DGAT1: variants seen among roughly 807,000 people sequenced by gnomAD.
The protein encoded by DGAT1 is ACAT related gene product 1.
DGAT1 carries 60 observed loss-of-function variants against 72.6 expected under a neutral mutation model. The observed-to-expected ratio is 0.83, with a 90% CI of 0.67 to 1.02. The LOEUF is 1.02. Ranked by LOEUF, DGAT1 falls within the 50% of genes least tolerant of loss-of-function variation. The probability of loss-of-function intolerance (pLI) is 0.00; values close to 1 mark genes in which losing one functional copy is unlikely to be tolerated. For missense variants in DGAT1, 592 were observed against 670.0 expected, an observed-to-expected ratio of 0.88 and a Z score of 1.29; for synonymous variants, 290 against 267.5, an observed-to-expected ratio of 1.08 and a Z score of -0.82.
chr8:144,326,617 G>T lies in DGAT1; in HGVS notation c.20C>A (p.Ser7Tyr). The change falls in exon 1 of 17, where the codon TCC becomes TAC. Residue 7 changes from serine to tyrosine, a missense_variant. Transcript: ENST00000528718. ...CCGCGACCCTGTCCTCCGGCGCCGGGAGCTGCCGCGGTCGCCCATGGCCTC... is the reference window on the plus strand; with the variant it reads ...CCGCGACCCTGTCCTCCGGCGCCGGTAGCTGCCGCGGTCGCCCATGGCCTC... The part of the protein sequence containing the change: MGDRGS[S>Y]RRRRTGSRPS... The T allele has an allele frequency of 8.3e-7, 1 of 1,203,852 alleles. No homozygotes were observed. Among genetic ancestry groups the T allele is most frequent in the South Asian group, 3.6e-5 (1 of 27,804 alleles). The allele number at this position is 1,203,852 out of a possible 1,614,324, so 74.6% of individuals were successfully genotyped here. A position where few individuals can be genotyped will look rare whatever the true frequency, so the allele number is the denominator to read the frequency against.
intron 2 of DGAT1, among the ~76,000 whole-genome samples, chr8:144,319,651 T>C (rs1817387597): frequency 6.6e-6 from 1 of 152,126 alleles, no homozygotes; most frequent in Admixed American, 6.5e-5. Flanking sequence ...GCCTGCCTCT[T>C]CTGCTTCCTG....
At position 144,315,282 on chromosome 8, in the gene DGAT1, C is replaced by G; in HGVS notation, c.*1272G>C. ...CCCACCAGGAGCTCACCCACTACTG[C>G]CATCCTCAGCAGGGCCCAAGGAGAT... is the stretch of plus-strand genomic sequence containing the variant. On this transcript the variant is annotated 3_prime_UTR_variant, in exon 17 of 17. Coordinates refer to ENST00000528718, the MANE Select transcript of DGAT1 (RefSeq NM_012079.6). 1 of 985,530 alleles carries G rather than the reference C, an allele frequency of 1.0e-6. No individual in the cohort carries two copies. The highest frequency in any genetic ancestry group is 1.7e-5 in the African/African-American group (1 of 57,366). 61.0% of individuals were successfully genotyped at this position (985,530 alleles called of 1,614,324 possible).
intron 1 of DGAT1, among the ~76,000 whole-genome samples, chr8:144,323,284 A>G (rs1817508207): frequency 6.6e-6 from 1 of 152,144 alleles, no homozygotes; most frequent in Non-Finnish European, 1.5e-5. Flanking sequence ...AGCTCACTGC[A>G]GACAATCCTA....
At chr8:144,323,201 G>GACGCCAGC (rs782165827) in intron 1 of DGAT1, among the ~76,000 whole-genome samples, 10 of 152,174 alleles carry the variant, frequency 6.6e-5, no homozygotes, top group Non-Finnish European at 2.9e-5. Flanking sequence ...AGCCACCAAG[G>GACGCCAGC]ACACCATGCT....
rs1489157646 is a variant in DGAT1, at chr8:144,316,475, C to T, written c.*79G>A. On this transcript the variant is annotated 3_prime_UTR_variant, in exon 17 of 17. Coordinates refer to ENST00000528718, the MANE Select transcript of DGAT1 (RefSeq NM_012079.6). ...GCTGTGCAGCCAGGCCCATCCCCAG[C>T]ACTCGAGGCCTAGGAGGAGAGGTGG... is the stretch of plus-strand genomic sequence containing the variant. 1 of 1,477,670 alleles carries T rather than the reference C, an allele frequency of 6.8e-7. No homozygotes were observed. Among genetic ancestry groups the T allele is most frequent in the African/African-American group, 1.4e-5 (1 of 71,734 alleles). 91.5% of individuals were successfully genotyped at this position (1,477,670 alleles called of 1,614,324 possible).
chr8:144,316,114 G>T lies in DGAT1; in HGVS notation c.*440C>A. 1 of 216,956 alleles carries T rather than the reference G, an allele frequency of 4.6e-6. No individual in the cohort carries two copies. Among genetic ancestry groups the T allele is most frequent in the Non-Finnish European group, 8.5e-6 (1 of 118,014 alleles). 13.4% of individuals were successfully genotyped at this position (216,956 alleles called of 1,614,324 possible). ...GCTTTTCTAGGTAGGGGAGTGTGGG[G>T]AATGGGGGCGTCTGCCTGGCCTTGC... On this transcript the variant is annotated 3_prime_UTR_variant, in exon 17 of 17. Coordinates refer to ENST00000528718, the MANE Select transcript of DGAT1 (RefSeq NM_012079.6).
At chr8:144,321,013 C>T (rs1049217262) in intron 2 of DGAT1, among the ~76,000 whole-genome samples, 10 of 152,098 alleles carry the variant, frequency 6.6e-5, no homozygotes, top group Admixed American at 2.0e-4. Context: ...CAGGCTCCAG[C>T]CAGGCACTGT....
chr8:144,326,654 G>T lies in DGAT1; in HGVS notation c.-18C>A. On this transcript the variant is annotated 5_prime_UTR_variant, in exon 1 of 17. Coordinates refer to ENST00000528718, the MANE Select transcript of DGAT1 (RefSeq NM_012079.6). ...TCGCCCATGGCCTCAGCCCGCACCC[G>T]GCCGCAGCCAAGCGTGGGCCCGCCG... The T allele has an allele frequency of 1.5e-5, 18 of 1,183,328 alleles. No individual in the cohort carries two copies. Among genetic ancestry groups the T allele is most frequent in the Non-Finnish European group, 1.8e-5 (17 of 956,122 alleles). 73.3% of individuals were successfully genotyped at this position (1,183,328 alleles called of 1,614,324 possible).
chr8:144,324,730 G>A (rs962666534), intron 1 of DGAT1, among the ~76,000 whole-genome samples: 1 of 152,068 alleles, frequency 6.6e-6, no homozygotes, highest in African/African-American at 2.4e-5. Context: ...CCAGGTGGCG[G>A]CTTGGCCCAA....
Position 144,318,025 on chromosome 8 carries a change from G to A in DGAT1, c.752-8C>T. On this transcript the variant is annotated splice_region_variant and splice_polypyrimidine_tract_variant and intron_variant, in intron 8 of 16. Transcript: ENST00000528718. ...AGAGGAAGTAGTAGAGATCTGGAAT[G>A]GGAATGGGGGGTTGGTACCAGAACA... is the stretch of plus-strand genomic sequence containing the variant. 6.6e-7 allele frequency: 1 copy of A among 1,516,972 alleles called. No homozygotes were observed. The allele number at this position is 1,516,972 out of a possible 1,614,324, so 94.0% of individuals were successfully genotyped here.
At chr8:144,322,288 T>C (rs1487609306) in intron 1 of DGAT1, among the ~76,000 whole-genome samples, 1 of 152,210 alleles carries the variant, frequency 6.6e-6, no homozygotes, top group Admixed American at 6.5e-5. Context: ...CTGGCTCATA[T>C]ACACTAGCTG....
In DGAT1 at chr8:144,326,673, C is replaced by T. The variant is rs1554848859; in HGVS notation, c.-37G>A. The T allele has an allele frequency of 1.7e-6, 2 of 1,166,540 alleles. No individual in the cohort carries two copies. The highest frequency in any genetic ancestry group is 4.7e-5 in the Admixed American group (1 of 21,368). 72.3% of individuals were successfully genotyped at this position (1,166,540 alleles called of 1,614,324 possible). ...GCACCCGGCCGCAGCCAAGCGTGGG[C>T]CCGCCGGGTTCGTAGCGCCCGAGGC... On this transcript the variant is annotated 5_prime_UTR_variant, in exon 1 of 17. Coordinates refer to ENST00000528718, the MANE Select transcript of DGAT1 (RefSeq NM_012079.6).
At chr8:144,324,902 T>C (rs1359516214) in intron 1 of DGAT1, among the ~76,000 whole-genome samples, 4 of 151,982 alleles carry the variant, frequency 2.6e-5, no homozygotes, top group African/African-American at 9.7e-5. Flanking sequence ...ACCCCATCTC[T>C]ACTAAAAATA....
chr8:144,326,624 C>G lies in DGAT1; in HGVS notation c.13G>C (p.Gly5Arg). Residue 5 changes from glycine (G) to arginine (R), a missense_variant, in exon 1 of 17, where the codon GGC becomes CGC. Physicochemically the swap from Gly to Arg is moderately radical, Grantham distance 125. Coordinates refer to ENST00000528718, the MANE Select transcript of DGAT1 (RefSeq NM_012079.6). ...CCTGTCCTCCGGCGCCGGGAGCTGC[C>G]GCGGTCGCCCATGGCCTCAGCCCGC... Reference protein sequence around the residue: MGDRGSSRRRRTGSR... With the variant: MGDRRSSRRRRTGSR... 7 of 1,199,748 alleles carry G rather than the reference C, an allele frequency of 5.8e-6. No individual in the cohort carries two copies. Among genetic ancestry groups the G allele is most frequent in the Non-Finnish European group, 7.2e-6 (7 of 967,272 alleles). 74.3% of individuals were successfully genotyped at this position (1,199,748 alleles called of 1,614,324 possible).
chr8:144,316,102 G>A lies in DGAT1; in HGVS notation c.*452C>T, dbSNP rs1306737951. 4.4e-6 allele frequency: 1 copy of A among 229,620 alleles called. No homozygotes were observed. The highest frequency in any genetic ancestry group is 1.5e-4 in the East Asian group (1 of 6,608). The allele number at this position is 229,620 out of a possible 1,614,324, so 14.2% of individuals were successfully genotyped here. On this transcript the variant is annotated 3_prime_UTR_variant, in exon 17 of 17. Coordinates refer to ENST00000528718, the MANE Select transcript of DGAT1 (RefSeq NM_012079.6). ...CGCCTGAGCTGAGCTTTTCTAGGTA[G>A]GGGAGTGTGGGGAATGGGGGCGTCT...
Position 144,316,634 on chromosome 8 carries a change from T to A in DGAT1, c.1387A>T (p.Ile463Phe). 6.2e-7 allele frequency: 1 copy of A among 1,609,906 alleles called. No individual in the cohort carries two copies. The highest frequency in any genetic ancestry group is 2.2e-5 in the East Asian group (1 of 44,782). ...ATGAGGACGGCTATTGGCTGTCCGA[T>A]GATGAGCGACAGCCACACAGCTGCG... ...GNAAVWLSLI[I>F]GQPIAVLMYV... Residue 463 changes from isoleucine (I) to phenylalanine (F), a missense_variant, in exon 17 of 17, where the codon ATC becomes TTC. Ile to Phe is a conservative substitution (Grantham distance 21, BLOSUM62 0). Coordinates refer to ENST00000528718, the MANE Select transcript of DGAT1 (RefSeq NM_012079.6).
rs1554847506 is a variant in DGAT1, at chr8:144,318,112, TC to T, written c.733del (p.Asp245ThrfsTer3). 6.5e-7 allele frequency: 1 copy of T among 1,538,758 alleles called. No homozygotes were observed. ...GTCCTCACCGCGGTAGGTCAGATTGTCCGGGTAGCTCACGGTGTGCGGGGCA... is the reference window on the plus strand; with the variant it reads ...GTCCTCACCGCGGTAGGTCAGATTGTCGGGTAGCTCACGGTGTGCGGGGCA... ...AAAPHTVSYP[D>X]NLTYRDLYYF... On this transcript the variant is annotated frameshift_variant, in exon 8 of 17. Coordinates refer to ENST00000528718, the MANE Select transcript of DGAT1 (RefSeq NM_012079.6). LOFTEE classifies it high-confidence loss of function.
chr8:144,317,151 C>T, intron 14 of DGAT1, 36 bp downstream of exon 14: 1 of 1,610,924 alleles, frequency 6.2e-7, no homozygotes, highest in Non-Finnish European at 8.5e-7. Flanking sequence ...GGTTCACAGC[C>T]ATGTTCCACA....
chr8:144,316,157 T>TTAAAAA lies in DGAT1; in HGVS notation c.*396_*397insTTTTTA. The TTAAAAA allele has an allele frequency of 4.8e-6, 1 of 207,466 alleles. No homozygotes were observed. The highest frequency in any genetic ancestry group is 9.7e-6 in the Non-Finnish European group (1 of 103,146). The allele number at this position is 207,466 out of a possible 1,614,324, so 12.9% of individuals were successfully genotyped here. ...GGCCTTGCACTCCCCCTACCGGCCATGCCCGCCCTGCTGCAGTGGAGCTGC... is the reference window on the plus strand; with the variant it reads ...GGCCTTGCACTCCCCCTACCGGCCATTAAAAAGCCCGCCCTGCTGCAGTGGAGCTGC... On this transcript the variant is annotated 3_prime_UTR_variant, in exon 17 of 17. Transcript: ENST00000528718.
Sources: gnomAD v4.1 joint callset for allele counts (sites outside exome capture counted in the v4.1 genomes callset) on GRCh38, gnomAD v4.1.1 for gene constraint, MANE v1.5 for transcripts, NCBI Gene and HGNC (gene_info 2026-07-23, HGNC 2026-07-21) for gene names.